Variants in BTBD9 observed in about 807,000 individuals in gnomAD.
BTBD9 encodes BTB/POZ domain-containing protein 9.
BTBD9 carries 49 observed loss-of-function variants against 64.3 expected under a neutral mutation model. That is an observed-to-expected ratio of 0.76 (90% CI 0.61 to 0.97). BTBD9 has a LOEUF of 0.97. BTBD9 is among the 50% of genes least tolerant of loss of function. The pLI is 0.00. For missense variants in BTBD9, 598 were observed against 762.1 expected (o/e 0.78, Z 2.53); for synonymous variants, 260 against 274.7 (o/e 0.95, Z 0.53).
intron 1 of BTBD9, among the ~76,000 whole-genome samples, chr6:38,608,036 G>A (rs1053170445): frequency 4.6e-5 from 7 of 152,058 alleles, no homozygotes; most frequent in Non-Finnish European, 7.4e-5. Flanking sequence ...AAACTTACCA[G>A]ATTTTCATAA....
chr6:38,282,479 G>A (rs553428582), intron 8 of BTBD9, among the ~76,000 whole-genome samples: 1 of 152,216 alleles, frequency 6.6e-6, no homozygotes, highest in Non-Finnish European at 1.5e-5. Flanking sequence ...AGGAAGGTCA[G>A]GAGCAGACAA....
chr6:38,577,812 T>C, intron 5 of BTBD9, 93 bp from the exon 6 acceptor site: 2 of 1,129,284 alleles, frequency 1.8e-6, no homozygotes, highest in Non-Finnish European at 2.5e-6. Context: ...GTACAAAAAA[T>C]ACAGAATTCA....
chr6:38,509,635 T>C (rs1196402586), intron 6 of BTBD9, among the ~76,000 whole-genome samples: 1 of 152,040 alleles, frequency 6.6e-6, no homozygotes, highest in African/African-American at 2.4e-5. Context: ...AGCAAGCATG[T>C]ATAAAATATA....
intron 6 of BTBD9, among the ~76,000 whole-genome samples, chr6:38,469,350 G>A (rs1049466738): frequency 2.4e-5 from 3 of 124,390 alleles, no homozygotes; most frequent in East Asian, 4.6e-4. Context: ...AGACAGTCTC[G>A]CTCTGTCGCC....
At chr6:38,190,467 TAA>T (rs70981527) in intron 10 of BTBD9, among the ~76,000 whole-genome samples, 4,659 of 77,348 alleles carry the variant, frequency 0.06, 278 homozygotes, top group African/African-American at 0.2. Context: ...AAACTCTGTC[TAA>T]AAAAAAAAAA....
At chr6:38,460,929 T>C (rs1333891544) in intron 6 of BTBD9, among the ~76,000 whole-genome samples, 1 of 152,160 alleles carries the variant, frequency 6.6e-6, no homozygotes, top group African/African-American at 2.4e-5. Context: ...GGCCCCACAG[T>C]CTGGGTTTTT....
chr6:38,175,657 G>T (rs1252866754), intron 10 of BTBD9, among the ~76,000 whole-genome samples: 1 of 152,150 alleles, frequency 6.6e-6, no homozygotes, highest in African/African-American at 2.4e-5. Context: ...GTTGTCTCTG[G>T]GTATTCTGGT....
intron 1 of BTBD9, among the ~76,000 whole-genome samples, chr6:38,617,109 G>A (rs1423110104): frequency 1.3e-5 from 2 of 152,126 alleles, no homozygotes; most frequent in Non-Finnish European, 2.9e-5. Flanking sequence ...CTAAAGACAC[G>A]GGTGTCAGGC....
chr6:38,187,140 C>G (rs1032677551), intron 10 of BTBD9, among the ~76,000 whole-genome samples: 2 of 152,182 alleles, frequency 1.3e-5, no homozygotes, highest in African/African-American at 4.8e-5. Context: ...ACATCAGAAC[C>G]AGTGTGGCTC....
intron 6 of BTBD9, among the ~76,000 whole-genome samples, chr6:38,456,322 C>A (rs1769804489): frequency 6.6e-6 from 1 of 152,128 alleles, no homozygotes; most frequent in African/African-American, 2.4e-5. Context: ...TTGTTGTAAA[C>A]ATTCTTATTC....
intron 6 of BTBD9, among the ~76,000 whole-genome samples, chr6:38,572,171 G>C (rs1185718257): frequency 6.6e-6 from 1 of 152,024 alleles, no homozygotes; most frequent in Non-Finnish European, 1.5e-5. Context: ...TATGTGATGT[G>C]CTTATTATTT....
intron 1 of BTBD9, among the ~76,000 whole-genome samples, chr6:38,609,896 G>A (rs1282200169): frequency 3.3e-5 from 5 of 152,204 alleles, no homozygotes; most frequent in African/African-American, 1.2e-4. Flanking sequence ...AACTTGGGAT[G>A]TCACTGACAC....
intron 6 of BTBD9, among the ~76,000 whole-genome samples, chr6:38,560,630 T>C (rs1775225119): frequency 1.3e-5 from 2 of 152,162 alleles, no homozygotes; most frequent in Non-Finnish European, 2.9e-5. Context: ...TTTATTTATA[T>C]AGGCAAATCC....
intron 7 of BTBD9, among the ~76,000 whole-genome samples, chr6:38,299,069 A>T (rs1169817757): frequency 6.6e-6 from 1 of 151,718 alleles, no homozygotes; most frequent in Non-Finnish European, 1.5e-5. Context: ...ATGTGTTCTC[A>T]TTGTTCAGTT....
At chr6:38,466,290 T>C (rs1770386056) in intron 6 of BTBD9, among the ~76,000 whole-genome samples, 1 of 122,756 alleles carries the variant, frequency 8.1e-6, no homozygotes, top group African/African-American at 2.9e-5. Context: ...TTCCTTTTTT[T>C]TTTTTTTTTT....
intron 1 of BTBD9, among the ~76,000 whole-genome samples, chr6:38,625,248 AC>A (rs574565895): frequency 5.3e-5 from 8 of 152,202 alleles, no homozygotes; most frequent in Non-Finnish European, 1.2e-4. Context: ...GCCACAGTAA[AC>A]ATGTTTTGTT....
intron 6 of BTBD9, among the ~76,000 whole-genome samples, chr6:38,433,587 C>T (rs919292797): frequency 3.3e-5 from 5 of 151,782 alleles, no homozygotes; most frequent in African/African-American, 1.2e-4. Context: ...TTCCACTACC[C>T]ACCCAAATCC....
chr6:38,382,641 A>C (rs1465796282), intron 6 of BTBD9, among the ~76,000 whole-genome samples: 1 of 152,118 alleles, frequency 6.6e-6, no homozygotes, highest in Non-Finnish European at 1.5e-5. Context: ...AATCCAAAGA[A>C]GGTTCTTTGA....
At chr6:38,290,227 T>C (rs1368800009) in intron 7 of BTBD9, among the ~76,000 whole-genome samples, 1 of 150,986 alleles carries the variant, frequency 6.6e-6, no homozygotes, top group Non-Finnish European at 1.5e-5. Flanking sequence ...TTATGAAGCT[T>C]AATTCCAAAG....
Sources: gnomAD v4.1 joint callset for allele counts (sites outside exome capture counted in the v4.1 genomes callset) on GRCh38, gnomAD v4.1.1 for gene constraint, MANE v1.5 for transcripts, NCBI Gene and HGNC (gene_info 2026-07-23, HGNC 2026-07-21) for gene names.